The following NOL4 variants were observed in gnomAD, a reference collection of about 807,000 sequenced individuals.
NOL4 encodes the protein cancer/testis antigen 125.
NOL4 carries 17 observed loss-of-function variants against 75.9 expected under a neutral mutation model. The observed-to-expected ratio is 0.22, with a 90% CI of 0.15 to 0.34. The LOEUF is 0.34. NOL4 is among the 10% of genes least tolerant of loss of function. NOL4 has a pLI of 1.00. For missense variants in NOL4, 614 were observed against 793.5 expected (o/e 0.77, Z 2.72); for synonymous variants, 292 against 289.9 (o/e 1.01, Z -0.07).
chr18:34,125,260 G>A (rs190479150), intron 2 of NOL4, among the ~76,000 whole-genome samples: 4 of 152,308 alleles, frequency 2.6e-5, no homozygotes, highest in Middle Eastern at 3.4e-3. Flanking sequence ...AAAAAGGTAT[G>A]TAGATAAACC....
chr18:33,905,786 A>G (rs2066000443), intron 9 of NOL4, among the ~76,000 whole-genome samples: 1 of 152,188 alleles, frequency 6.6e-6, no homozygotes, highest in Admixed American at 6.5e-5. Flanking sequence ...CACTACATGC[A>G]AAGTGATAGT....
intron 8 of NOL4, among the ~76,000 whole-genome samples, chr18:33,955,649 G>GT: frequency 6.6e-6 from 1 of 152,020 alleles, no homozygotes; most frequent in East Asian, 1.9e-4. Context: ...TTGAGAACAG[G>GT]TAAAAGCATT....
intron 9 of NOL4, among the ~76,000 whole-genome samples, chr18:33,933,369 A>G (rs1302811160): frequency 6.6e-6 from 1 of 152,134 alleles, no homozygotes; most frequent in Non-Finnish European, 1.5e-5. Context: ...GTTGAAGGCT[A>G]GTGTGGTTGT....
chr18:33,932,397 A>G (rs2067757384), intron 9 of NOL4, among the ~76,000 whole-genome samples: 1 of 152,052 alleles, frequency 6.6e-6, no homozygotes, highest in Admixed American at 6.6e-5. Flanking sequence ...ATAGGCATAT[A>G]CCTATAAAAT....
intron 10 of NOL4, among the ~76,000 whole-genome samples, chr18:33,854,805 T>C (rs1313450061): frequency 6.6e-6 from 1 of 151,808 alleles, no homozygotes; most frequent in Admixed American, 6.6e-5. Flanking sequence ...TTGATTGGCA[T>C]CCTTAAGTAA....
At chr18:33,950,479 T>G (rs1302485494) in intron 8 of NOL4, among the ~76,000 whole-genome samples, 1 of 152,126 alleles carries the variant, frequency 6.6e-6, no homozygotes, top group East Asian at 1.9e-4. Context: ...ACTCAATCTT[T>G]CATTCAGCAA....
chr18:33,944,009 G>A (rs1029056499), intron 8 of NOL4, among the ~76,000 whole-genome samples: 1 of 149,958 alleles, frequency 6.7e-6, no homozygotes, highest in African/African-American at 2.4e-5. Context: ...CCAACTGAAA[G>A]ATGAAATACT....
At chr18:33,860,114 T>C (rs2063032053) in intron 10 of NOL4, among the ~76,000 whole-genome samples, 1 of 151,944 alleles carries the variant, frequency 6.6e-6, no homozygotes, top group Non-Finnish European at 1.5e-5. Context: ...CAAACACTTA[T>C]AAAACTATCA....
At chr18:34,094,821 G>C (rs2078695992) in intron 4 of NOL4, among the ~76,000 whole-genome samples, 1 of 152,136 alleles carries the variant, frequency 6.6e-6, no homozygotes, top group African/African-American at 2.4e-5. Context: ...ACAATTTATA[G>C]ATGAAGAAAT....
intron 5 of NOL4, among the ~76,000 whole-genome samples, chr18:34,079,076 G>T (rs778563288): frequency 3.9e-5 from 6 of 152,122 alleles, no homozygotes; most frequent in Non-Finnish European, 7.4e-5. Flanking sequence ...AGCTCGCTTA[G>T]CCAACTAAAA....
chr18:34,091,112 G>A (rs1568329262), intron 5 of NOL4, among the ~76,000 whole-genome samples: 1 of 151,722 alleles, frequency 6.6e-6, no homozygotes, highest in Admixed American at 6.6e-5. Context: ...CACTTTGGGA[G>A]GCTGAGACGG....
Position 33,910,315 on chromosome 18 carries a change from T to C in NOL4, c.1543-26891A>G, listed in dbSNP as rs550085476. ...CTGGGCTTACTTGCTCTCTGGACTC[T>C]AGGGTTTCAAATCAGTGAAACACAC... On this transcript the variant is annotated intron_variant, in intron 9 of 10. Coordinates refer to ENST00000261592, the MANE Select transcript of NOL4 (RefSeq NM_003787.5). 9.2e-5 allele frequency among the ~76,000 whole-genome samples: 14 copies of C among 152,252 alleles called. No homozygotes were observed. The East Asian group carries it at 1.9e-3, about 21-fold the overall frequency.
At chr18:34,016,583 T>G (rs2074708484) in intron 6 of NOL4, among the ~76,000 whole-genome samples, 1 of 152,074 alleles carries the variant, frequency 6.6e-6, no homozygotes, top group African/African-American at 2.4e-5. Context: ...TAAAACATGC[T>G]TACCCCTCTC....
chr18:34,004,464 T>A (rs2073920255), intron 6 of NOL4, among the ~76,000 whole-genome samples: 1 of 152,108 alleles, frequency 6.6e-6, no homozygotes, highest in South Asian at 2.1e-4. Context: ...TTTAATTTTG[T>A]CTTGGAACAA....
intron 9 of NOL4, among the ~76,000 whole-genome samples, chr18:33,930,911 G>GT (rs963674931): frequency 6.6e-6 from 1 of 152,110 alleles, no homozygotes; most frequent in Non-Finnish European, 1.5e-5. Context: ...ATGTGACTCA[G>GT]TTTTTTAGTG....
intron 1 of NOL4, 55 bp downstream of exon 1, chr18:34,222,935 C>T (rs2037427235): frequency 2.5e-6 from 4 of 1,582,020 alleles, no homozygotes; most frequent in South Asian, 1.1e-5. Context: ...CTCCTTCCTC[C>T]CTCCCCGCCG....
chr18:33,954,040 T>C (rs1255029814), intron 8 of NOL4, among the ~76,000 whole-genome samples: 1 of 152,132 alleles, frequency 6.6e-6, no homozygotes, highest in Non-Finnish European at 1.5e-5. Flanking sequence ...AGTAGAGTCA[T>C]CCTTTGGTAT....
chr18:34,155,993 T>A (rs548821199), intron 1 of NOL4, among the ~76,000 whole-genome samples: 77 of 152,224 alleles, frequency 5.1e-4, no homozygotes, highest in African/African-American at 1.5e-3. Context: ...TATAGAAGGG[T>A]TTCCCCAAGA....
intron 1 of NOL4, among the ~76,000 whole-genome samples, chr18:34,161,639 ATCTTC>A (rs1266986886): frequency 6.6e-6 from 1 of 151,970 alleles, no homozygotes; most frequent in African/African-American, 2.4e-5. Context: ...CCATTTGTAC[ATCTTC>A]TCTTAAGTGA....
Sources: allele counts gnomAD v4.1 joint callset (sites outside exome capture counted in the v4.1 genomes callset), GRCh38; gene constraint gnomAD v4.1.1; transcripts MANE v1.5; gene names NCBI Gene and HGNC (gene_info 2026-07-23, HGNC 2026-07-21).